Variants in PHLDB2 observed in about 807,000 individuals in gnomAD.
The protein encoded by PHLDB2 is pleckstrin homology like domain family B member 2.
A neutral mutation model predicts 123.6 loss-of-function variants in PHLDB2; 71 were observed. The observed-to-expected ratio is 0.57, with a 90% CI of 0.47 to 0.70. PHLDB2 has a LOEUF of 0.70. Among genes scored for constraint, PHLDB2 ranks in the 30% least tolerant of loss-of-function variants. PHLDB2 has a pLI of 0.00. For missense variants in PHLDB2, 1,446 were observed against 1,519.5 expected (o/e 0.95, Z 0.80); for synonymous variants, 547 against 541.6 (o/e 1.01, Z -0.14).
chr3:111,733,748 T>A (rs1010517724), intron 1 of PHLDB2, among the ~76,000 whole-genome samples: 1 of 152,230 alleles, frequency 6.6e-6, no homozygotes, highest in African/African-American at 2.4e-5. Context: ...AAATATGTAA[T>A]TTTTATCTAA....
chr3:111,855,335 T>A (rs1559869340), upstream of PHLDB2, among the ~76,000 whole-genome samples: 1 of 152,088 alleles, frequency 6.6e-6, no homozygotes, highest in Non-Finnish European at 1.5e-5. Flanking sequence ...AGGACTCTGG[T>A]CTGTGATTAA....
intron 2 of PHLDB2, among the ~76,000 whole-genome samples, chr3:111,898,426 G>A (rs760004991): frequency 6.6e-6 from 1 of 151,876 alleles, no homozygotes; most frequent in Admixed American, 6.6e-5. Flanking sequence ...CAAGTGACCC[G>A]CCCACCTCAG....
In PHLDB2 at chr3:111,930,496, T is replaced by C. The variant is rs114343646; in HGVS notation, c.2002-1773T>C. Among the ~76,000 whole-genome samples, 1,124 of 152,280 alleles carry C rather than the reference T, an allele frequency of 7.4e-3. 16 individuals carry two copies. The highest frequency in any genetic ancestry group is 0.025 in the African/African-American group (1,039 of 41,544). On this transcript the variant is annotated intron_variant, in intron 5 of 17. Coordinates refer to ENST00000431670, the MANE Select transcript of PHLDB2 (RefSeq NM_001134438.2). ...GATGCAGTACCTAGAAATAGAACTC[T>C]TGGGATAAAATTATTTTGCTGTGTA... is the stretch of plus-strand genomic sequence containing the variant.
chr3:111,751,519 A>G (rs931773158), intron 1 of PHLDB2, among the ~76,000 whole-genome samples: 3 of 152,006 alleles, frequency 2.0e-5, no homozygotes, highest in Non-Finnish European at 2.9e-5. Context: ...TGCCCAGGAA[A>G]AATTTAAATG....
intron 2 of PHLDB2, among the ~76,000 whole-genome samples, chr3:111,853,901 C>A (rs1287871045): frequency 2.6e-5 from 4 of 152,000 alleles, no homozygotes; most frequent in Admixed American, 2.0e-4. Context: ...TCTTACTTTT[C>A]AGAATAGAAG....
At chr3:111,898,300 G>A (rs1559892493) in intron 2 of PHLDB2, among the ~76,000 whole-genome samples, 1 of 151,814 alleles carries the variant, frequency 6.6e-6, no homozygotes, top group Non-Finnish European at 1.5e-5. Flanking sequence ...TCTTGCTTCA[G>A]CCTCCCAAGC....
chr3:111,879,685 A>G (rs889291323), intron 1 of PHLDB2, among the ~76,000 whole-genome samples: 4 of 152,036 alleles, frequency 2.6e-5, no homozygotes, highest in Admixed American at 2.6e-4. Context: ...TTTCTCTAAA[A>G]ATGTTTTTTT....
chr3:111,888,436 G>A (rs1456943036), intron 2 of PHLDB2, among the ~76,000 whole-genome samples: 1 of 152,044 alleles, frequency 6.6e-6, no homozygotes, highest in Non-Finnish European at 1.5e-5. Context: ...GAGTAATAAA[G>A]AATTGTGTAT....
At chr3:111,951,920 G>A (rs925211281) in intron 10 of PHLDB2, among the ~76,000 whole-genome samples, 10 of 152,190 alleles carry the variant, frequency 6.6e-5, no homozygotes, top group Non-Finnish European at 1.3e-4. Context: ...AAAAATTTGA[G>A]TAAGTTTCAA....
chr3:111,834,586 G>A (rs1234236643), intron 1 of PHLDB2, among the ~76,000 whole-genome samples: 4 of 151,662 alleles, frequency 2.6e-5, no homozygotes, highest in South Asian at 4.1e-4. Flanking sequence ...CAAGGATGCA[G>A]TAAATATCTC....
At position 111,780,399 on chromosome 3, in the gene PHLDB2, A is replaced by AGAAGAAGAAGAAGAAGAAGAAGAGGAAG. The variant is rs1553726797; in HGVS notation, c.-49+47708_-49+47709insGAAGAAGAAGAGGAAGGAAGAAGAAGAA. 5.9e-4 allele frequency among the ~76,000 whole-genome samples: 44 copies of AGAAGAAGAAGAAGAAGAAGAAGAGGAAG among 74,452 alleles called. 7 individuals carry two copies. The highest frequency in any genetic ancestry group is 8.7e-4 in the Non-Finnish European group (30 of 34,318). The allele number at this position is 74,452 out of a possible 152,430, so 48.8% of individuals were successfully genotyped here. On this transcript the variant is annotated intron_variant, in intron 1 of 17. Coordinates refer to the PHLDB2 transcript ENST00000393923. The stretch of plus-strand genomic sequence containing the variant: ...AAGAAGAAGAAGAAGAAGAAGAAGA[A>AGAAGAAGAAGAAGAAGAAGAAGAGGAAG]GAAGAAGAAGAAAAAGATTAGTTCG...
chr3:111,885,803 TAGTC>T (rs1406861990), intron 2 of PHLDB2: 1 of 568,482 alleles, frequency 1.8e-6, no homozygotes, highest in Admixed American at 3.3e-5. Context: ...TTATGAGAAG[TAGTC>T]AGTGAAATCA....
At chr3:111,760,110 A>G (rs930729098) in intron 1 of PHLDB2, among the ~76,000 whole-genome samples, 4 of 152,260 alleles carry the variant, frequency 2.6e-5, no homozygotes, top group African/African-American at 9.6e-5. Context: ...TTTAATGCAC[A>G]TAATACTTCT....
At chr3:111,947,733 A>G (rs35535017) in intron 9 of PHLDB2, among the ~76,000 whole-genome samples, 3,507 of 152,328 alleles carry the variant, frequency 0.023, 71 homozygotes, top group Non-Finnish European at 0.036. Flanking sequence ...GTTTAACATT[A>G]TAAAACTTTA....
At chr3:111,834,106 TTA>T (rs1272637397) in intron 1 of PHLDB2, among the ~76,000 whole-genome samples, 8 of 120,062 alleles carry the variant, frequency 6.7e-5, no homozygotes, top group Admixed American at 9.5e-5. Flanking sequence ...ATTATATATA[TTA>T]TATATGTAAT....
At chr3:111,857,383 TA>T (rs780756088), upstream of PHLDB2, among the ~76,000 whole-genome samples, 7 of 147,848 alleles carry the variant, frequency 4.7e-5, no homozygotes, top group Non-Finnish European at 8.9e-5. Flanking sequence ...CCCAGGAGGT[TA>T]AGGCTGCAGT....
chr3:111,862,588 A>G (rs2064886268), intron 1 of PHLDB2, among the ~76,000 whole-genome samples: 1 of 152,156 alleles, frequency 6.6e-6, no homozygotes, highest in African/African-American at 2.4e-5. Flanking sequence ...ACCCTGCACT[A>G]CAGTATTGCC....
intron 1 of PHLDB2, among the ~76,000 whole-genome samples, chr3:111,759,120 CT>C (rs34027939): frequency 1.3e-3 from 185 of 147,654 alleles, no homozygotes; most frequent in African/African-American, 3.3e-3. Flanking sequence ...AGTGATATAT[CT>C]TTTTTTTTTT....
At chr3:111,955,173 C>T (rs767131182) in intron 12 of PHLDB2, among the ~76,000 whole-genome samples, 5 of 116,546 alleles carry the variant, frequency 4.3e-5, no homozygotes, top group Non-Finnish European at 5.9e-5. Flanking sequence ...CTCACTGGAA[C>T]GAGGTTTTCA....
Sources: allele counts gnomAD v4.1 joint callset (sites outside exome capture counted in the v4.1 genomes callset), GRCh38; gene constraint gnomAD v4.1.1; transcripts MANE v1.5; gene names NCBI Gene and HGNC (gene_info 2026-07-23, HGNC 2026-07-21).